The following PKP2 variants were observed in gnomAD, a reference collection of about 807,000 sequenced individuals.
PKP2 encodes the protein plakophilin-2.
PKP2 carries 73 observed loss-of-function variants against 83.4 expected under a neutral mutation model. The ratio of observed to expected loss-of-function variants is 0.88; its 90% confidence interval spans 0.72 to 1.06. The LOEUF (loss-of-function observed/expected upper bound fraction) is 1.06, where lower values mean the gene tolerates loss of function less well. Ranked by LOEUF, PKP2 falls within the 50% of genes least tolerant of loss-of-function variation. The pLI is 0.00. For missense variants in PKP2, 966 were observed against 1,065.4 expected (o/e 0.91, Z 1.30); for synonymous variants, 409 against 430.4 (o/e 0.95, Z 0.62).
intron 11 of PKP2, among the ~76,000 whole-genome samples, chr12:32,795,543 G>C (rs1189483831): frequency 1.3e-5 from 2 of 152,090 alleles, no homozygotes; most frequent in East Asian, 1.9e-4. Flanking sequence ...ACCACACCCA[G>C]CTAATTTTTG....
chr12:32,802,430 G>A lies in PKP2; in HGVS notation c.2140C>T (p.Arg714Trp), dbSNP rs537046857. ...ATTTCATTCTGCAGAGAAAGATTCC[G>A]GGACAGATTCCTCAGCAGCGAGATG... ...TAISLLRNLSRNLSLQNEIAK... is the reference protein window; with the variant it reads ...TAISLLRNLSWNLSLQNEIAK... The change falls in exon 10 of 13, where the codon CGG (arginine) becomes TGG (tryptophan). Residue 714 changes from arginine to tryptophan, a missense_variant. By Grantham distance (101) the Arg-to-Trp change is moderately radical. Coordinates refer to ENST00000340811, the MANE Select transcript of PKP2 (RefSeq NM_001005242.3). 8.7e-6 allele frequency: 14 copies of A among 1,613,926 alleles called. No individual in the cohort carries two copies. The highest frequency in any genetic ancestry group is 4.5e-5 in the East Asian group (2 of 44,880).
intron 9 of PKP2, among the ~76,000 whole-genome samples, chr12:32,807,358 T>C (rs1166810832): frequency 6.6e-6 from 1 of 152,198 alleles, no homozygotes; most frequent in East Asian, 1.9e-4. Flanking sequence ...ACCCTTGCTT[T>C]TTTCTGTTTT....
chr12:32,860,237 A>G (rs1439082123), intron 4 of PKP2, among the ~76,000 whole-genome samples: 1 of 152,216 alleles, frequency 6.6e-6, no homozygotes, highest in East Asian at 1.9e-4. Context: ...AGAGTACCAC[A>G]GAGAAAAGAG....
chr12:32,822,306 G>T (rs1159637387), intron 8 of PKP2, among the ~76,000 whole-genome samples, 161 bp downstream of exon 8: 1 of 152,128 alleles, frequency 6.6e-6, no homozygotes, highest in Non-Finnish European at 1.5e-5. Flanking sequence ...ACTGGTAAAT[G>T]AGGGTATTAA....
At chr12:32,815,388 A>C (rs187961904) in intron 9 of PKP2, among the ~76,000 whole-genome samples, 12 of 152,180 alleles carry the variant, frequency 7.9e-5, no homozygotes, top group African/African-American at 2.6e-4. Context: ...TAAACTGCCT[A>C]TCTCTCCTAC....
intron 1 of PKP2, among the ~76,000 whole-genome samples, chr12:32,896,172 T>C (rs2138008695): frequency 6.6e-6 from 1 of 152,278 alleles, no homozygotes; most frequent in East Asian, 1.9e-4. Context: ...TCAAGGTGTT[T>C]ATAGACTCCC....
chr12:32,840,411 TC>T (rs1306074409), intron 6 of PKP2, among the ~76,000 whole-genome samples: 1 of 152,150 alleles, frequency 6.6e-6, no homozygotes, highest in African/African-American at 2.4e-5. Context: ...AGATTCTCTG[TC>T]CCAGCCTCCT....
chr12:32,794,302 A>G (rs1956101639), intron 11 of PKP2, among the ~76,000 whole-genome samples: 1 of 152,184 alleles, frequency 6.6e-6, no homozygotes, highest in African/African-American at 2.4e-5. Context: ...TATATTCATA[A>G]TATTTGTTTA....
chr12:32,825,413 C>G (rs1003849969), intron 6 of PKP2, among the ~76,000 whole-genome samples: 48 of 151,960 alleles, frequency 3.2e-4, no homozygotes, highest in African/African-American at 1.2e-3. Flanking sequence ...CCTTGTGAAC[C>G]GCCCGCCTTG....
rs1287872807 is a variant in PKP2 at position 32,841,184 on chromosome 12, G to C, written c.1400C>G (p.Ser467Cys). ...QITGLLWNLS[S>C]NDKLKNLMIT... ...CATGAGATTCTTGAGTTTGTCATTA[G>C]ATGACAAATTCCACAGCAAACCTAG... is the stretch of plus-strand genomic sequence containing the variant. Residue 467 changes from serine to cysteine, a missense_variant, in exon 6 of 13, where the codon TCT (serine) becomes TGT (cysteine). By Grantham distance (112) the Ser-to-Cys change is moderately radical. Transcript: ENST00000340811. The C allele has an allele frequency of 6.2e-7, 1 of 1,613,018 alleles. No individual in the cohort carries two copies.
chr12:32,847,994 C>T (rs1047796557), intron 5 of PKP2, among the ~76,000 whole-genome samples: 2 of 152,140 alleles, frequency 1.3e-5, no homozygotes, highest in African/African-American at 4.8e-5. Context: ...TTCTCAGTAC[C>T]TGACCCCTGA....
chr12:32,837,877 G>A (rs1303034322), intron 6 of PKP2, among the ~76,000 whole-genome samples: 3 of 151,852 alleles, frequency 2.0e-5, no homozygotes, highest in Non-Finnish European at 2.9e-5. Context: ...TCATATCTCT[G>A]TCCTCCATAC....
At position 32,869,018 on chromosome 12, in the gene PKP2, A is replaced by G. The variant is rs730880180; in HGVS notation, c.1079T>C (p.Leu360Pro). The stretch of plus-strand genomic sequence containing the variant: ...GGATGGCAGCATGTGGTCTGCCTCG[A>G]GCATACTCACTGCTCGCTCCAGAGT... ...EMTLERAVSM[L>P]EADHMLPSRI... is the part of the protein sequence containing the mutation. Residue 360 changes from leucine to proline, a missense_variant, in exon 4 of 13, where the codon CTC becomes CCC. Physicochemically the swap from Leu to Pro is moderately conservative, Grantham distance 98. Transcript: ENST00000340811. The G allele has an allele frequency of 1.2e-6, 2 of 1,613,998 alleles. No individual in the cohort carries two copies. Among genetic ancestry groups the G allele is most frequent in the Non-Finnish European group, 1.7e-6 (2 of 1,179,936 alleles).
chr12:32,890,831 G>T (rs531162227), intron 1 of PKP2, among the ~76,000 whole-genome samples: 1 of 151,598 alleles, frequency 6.6e-6, no homozygotes, highest in African/African-American at 2.4e-5. Context: ...TTGGTGGCGG[G>T]TGCCTGTAAT....
chr12:32,824,158 T>C lies in PKP2; in HGVS notation c.1561A>G (p.Met521Val), dbSNP rs200644080. 4 of 1,607,764 alleles carry C rather than the reference T, an allele frequency of 2.5e-6. No homozygotes were observed. Among genetic ancestry groups the C allele is most frequent in the East Asian group, 2.2e-5 (1 of 44,856 alleles). Residue 521 changes from methionine (M) to valine (V), a missense_variant, in exon 7 of 13, where the codon ATG becomes GTG. Physicochemically the swap from Met to Val is conservative, Grantham distance 21. Transcript: ENST00000340811. The stretch of plus-strand genomic sequence containing the variant: ...CTCCCATCAGCGCCAGCAGAACTCA[T>C]GTTTCTATCAGAAAAAACAAAAAAC... ...FYNVTGCLRN[M>V]SSAGADGRKA...
chr12:32,829,093 G>A (rs941814733), intron 6 of PKP2, among the ~76,000 whole-genome samples: 4 of 151,988 alleles, frequency 2.6e-5, no homozygotes, highest in Non-Finnish European at 5.9e-5. Context: ...GCACTGCCGA[G>A]CCCAGCTAAT....
intron 1 of PKP2, chr12:32,894,415 C>T (rs1452731467): frequency 6.6e-6 from 1 of 152,208 alleles, no homozygotes; most frequent in African/African-American, 2.4e-5. Flanking sequence ...TCATTTGATG[C>T]TTGCTGAATT....
At chr12:32,823,195 C>T (rs1222818819) in intron 7 of PKP2, among the ~76,000 whole-genome samples, 3 of 152,032 alleles carry the variant, frequency 2.0e-5, no homozygotes, top group African/African-American at 7.2e-5. Context: ...TGATGGATCA[C>T]CTGAGGTCAG....
chr12:32,896,475 G>A (rs572393473), intron 1 of PKP2, 34 bp downstream of exon 1: 21 of 1,432,862 alleles, frequency 1.5e-5, no homozygotes, highest in East Asian at 2.7e-5. Flanking sequence ...TGTGGGGCAG[G>A]GGGCGGCGCC....
Sources: gnomAD v4.1 joint callset for allele counts (sites outside exome capture counted in the v4.1 genomes callset) on GRCh38, gnomAD v4.1.1 for gene constraint, MANE v1.5 for transcripts, NCBI Gene and HGNC (gene_info 2026-07-23, HGNC 2026-07-21) for gene names.